The following PARD3B variants were observed in gnomAD, a reference collection of about 807,000 sequenced individuals.
The protein encoded by PARD3B is par-3 family cell polarity regulator beta.
A neutral mutation model predicts 130.2 loss-of-function variants in PARD3B; 103 were observed. The observed-to-expected ratio is 0.79, with a 90% CI of 0.67 to 0.93. PARD3B has a LOEUF of 0.93. Among genes scored for constraint, PARD3B ranks in the 40% least tolerant of loss-of-function variants. The pLI is 0.00. For missense variants in PARD3B, 1,609 were observed against 1,499.2 expected (o/e 1.07, Z -1.21); for synonymous variants, 583 against 553.2 (o/e 1.05, Z -0.76).
chr2:205,062,293 G>T (rs909548215), intron 4 of PARD3B, among the ~76,000 whole-genome samples: 4 of 152,104 alleles, frequency 2.6e-5, no homozygotes, highest in Non-Finnish European at 5.9e-5. Flanking sequence ...AGAAATTAGT[G>T]TTTAATATAG....
intron 2 of PARD3B, among the ~76,000 whole-genome samples, chr2:204,786,602 T>G (rs2042018068): frequency 6.6e-6 from 1 of 151,948 alleles, no homozygotes; most frequent in Non-Finnish European, 1.5e-5. Context: ...GAACTTCATC[T>G]GGCTAATAAG....
At chr2:204,886,759 A>T (rs1328680658) in intron 2 of PARD3B, among the ~76,000 whole-genome samples, 2 of 152,228 alleles carry the variant, frequency 1.3e-5, no homozygotes, top group African/African-American at 4.8e-5. Context: ...AGTTTGGGCT[A>T]CCTGGGATGG....
At chr2:205,168,996 T>C (rs1302530659) in intron 11 of PARD3B, among the ~76,000 whole-genome samples, 2 of 152,190 alleles carry the variant, frequency 1.3e-5, no homozygotes, top group South Asian at 2.1e-4. Context: ...AGGTGTTCGA[T>C]AAATGGTTTC....
chr2:205,614,953 G>A (rs1218310026), intron 22 of PARD3B, among the ~76,000 whole-genome samples: 1 of 152,122 alleles, frequency 6.6e-6, no homozygotes, highest in Non-Finnish European at 1.5e-5. Flanking sequence ...CCATGCCTAG[G>A]ACAGACTTCA....
intron 3 of PARD3B, among the ~76,000 whole-genome samples, chr2:205,002,635 T>C (rs2125285007): frequency 6.6e-6 from 1 of 152,230 alleles, no homozygotes; most frequent in South Asian, 2.1e-4. Flanking sequence ...GATGTCCTCC[T>C]GCCTGCTCTT....
intron 22 of PARD3B, among the ~76,000 whole-genome samples, chr2:205,574,784 AAGG>A (rs1198907145): frequency 6.6e-6 from 1 of 151,746 alleles, no homozygotes; most frequent in East Asian, 1.9e-4. Context: ...CTGTGTTGAC[AAGG>A]AGATGGGGAA....
chr2:204,798,833 A>G (rs888605262), intron 2 of PARD3B, among the ~76,000 whole-genome samples: 2 of 152,084 alleles, frequency 1.3e-5, no homozygotes, highest in Non-Finnish European at 2.9e-5. Flanking sequence ...TCCTGGCAAG[A>G]TGCATCATTA....
intron 2 of PARD3B, among the ~76,000 whole-genome samples, chr2:204,930,549 C>T (rs537838582): frequency 8.5e-5 from 13 of 152,150 alleles, no homozygotes; most frequent in African/African-American, 2.4e-4. Context: ...ACACCAATTT[C>T]GTTACCATCT....
intron 22 of PARD3B, among the ~76,000 whole-genome samples, chr2:205,565,013 G>A (rs1221923830): frequency 5.9e-5 from 9 of 152,110 alleles, no homozygotes; most frequent in Admixed American, 2.6e-4. Flanking sequence ...CAATTCTCAC[G>A]CGCCATTCTC....
At chr2:205,599,568 G>A (rs1463307307) in intron 22 of PARD3B, among the ~76,000 whole-genome samples, 3 of 152,200 alleles carry the variant, frequency 2.0e-5, no homozygotes, top group Admixed American at 2.0e-4. Context: ...AAGTTTTGAG[G>A]TGTCAGAGGG....
chr2:205,126,752 C>CAAAAAAAAAAA (rs4045004), intron 10 of PARD3B, among the ~76,000 whole-genome samples: 78 of 74,454 alleles, frequency 1.0e-3, no homozygotes, highest in Non-Finnish European at 1.4e-3. Context: ...GACTCCGTCT[C>CAAAAAAAAAAA]AAAAAAAAAA....
At chr2:204,949,917 A>G (rs1232323559) in intron 2 of PARD3B, among the ~76,000 whole-genome samples, 1 of 152,218 alleles carries the variant, frequency 6.6e-6, no homozygotes, top group Non-Finnish European at 1.5e-5. Flanking sequence ...TTAGATGCCC[A>G]CTTATTAAGC....
At chr2:205,542,129 G>C (rs113154588) in intron 21 of PARD3B, among the ~76,000 whole-genome samples, 4,403 of 96,164 alleles carry the variant, frequency 0.046, 135 homozygotes, top group South Asian at 0.17. Context: ...GGCAACAAGA[G>C]TGAAACTCCG....
intron 2 of PARD3B, among the ~76,000 whole-genome samples, chr2:204,790,915 G>T (rs566949326): frequency 1.4e-4 from 22 of 151,996 alleles, no homozygotes; most frequent in Non-Finnish European, 2.6e-4. Flanking sequence ...GACCAGCCGG[G>T]CCAACATGGT....
chr2:204,823,527 A>T (rs1040920431), intron 2 of PARD3B, among the ~76,000 whole-genome samples: 2 of 152,142 alleles, frequency 1.3e-5, no homozygotes, highest in Admixed American at 1.3e-4. Context: ...CAGGGTAAGA[A>T]ATAGTATGAG....
intron 2 of PARD3B, among the ~76,000 whole-genome samples, chr2:204,774,786 A>G (rs1445718130): frequency 6.6e-6 from 1 of 152,116 alleles, no homozygotes; most frequent in Non-Finnish European, 1.5e-5. Context: ...GAAGTTACCC[A>G]TAGCCGGAAT....
intron 19 of PARD3B, among the ~76,000 whole-genome samples, chr2:205,426,502 G>C (rs201274902): frequency 3.3e-5 from 5 of 152,138 alleles, no homozygotes; most frequent in Admixed American, 1.3e-4. Context: ...CTCTTTTAAT[G>C]ATACTACTTC....
intron 19 of PARD3B, among the ~76,000 whole-genome samples, chr2:205,437,407 G>A (rs2047555748): frequency 6.6e-6 from 1 of 152,086 alleles, no homozygotes; most frequent in Non-Finnish European, 1.5e-5. Context: ...GTGGGATGAG[G>A]TGACATACCA....
At chr2:205,429,733 G>C (rs1044487947) in intron 19 of PARD3B, among the ~76,000 whole-genome samples, 2 of 152,036 alleles carry the variant, frequency 1.3e-5, no homozygotes, top group Non-Finnish European at 2.9e-5. Context: ...GGTTTCATAG[G>C]GCCGCCATTT....
Sources: allele counts gnomAD v4.1 joint callset (sites outside exome capture counted in the v4.1 genomes callset), GRCh38; gene constraint gnomAD v4.1.1; transcripts MANE v1.5; gene names NCBI Gene and HGNC (gene_info 2026-07-23, HGNC 2026-07-21).